PLCL1: variants seen among roughly 807,000 people sequenced by gnomAD.
PLCL1 encodes phospholipase C like 1 (inactive), also known as inactive phospholipase C-like protein 1.
A neutral mutation model predicts 84.4 loss-of-function variants in PLCL1; 41 were observed. The observed-to-expected ratio is 0.49, with a 90% CI of 0.38 to 0.63. PLCL1 has a LOEUF of 0.63. Ranked by LOEUF, PLCL1 falls within the 30% of genes least tolerant of loss-of-function variation. PLCL1 has a pLI of 0.00. For synonymous variants in PLCL1, 490 were observed against 488.3 expected, an observed-to-expected ratio of 1.00 and a Z score of -0.05; for missense variants, 1,206 against 1,367.8, an observed-to-expected ratio of 0.88 and a Z score of 1.87.
At chr2:198,094,041 C>CT (rs1425991372) in intron 3 of PLCL1, among the ~76,000 whole-genome samples, 1 of 151,966 alleles carries the variant, frequency 6.6e-6, no homozygotes, top group African/African-American at 2.4e-5. Context: ...AAAATTCAGT[C>CT]TTAAAAGTCA....
At chr2:197,935,018 T>C (rs546587224) in intron 1 of PLCL1, among the ~76,000 whole-genome samples, 1 of 152,208 alleles carries the variant, frequency 6.6e-6, no homozygotes, top group African/African-American at 2.4e-5. Flanking sequence ...CTCGGCCAAC[T>C]AGCATATGAA....
intron 1 of PLCL1, among the ~76,000 whole-genome samples, chr2:197,854,938 A>G (rs1427374338): frequency 6.6e-6 from 1 of 152,220 alleles, no homozygotes; most frequent in African/African-American, 2.4e-5. Context: ...AAATAAAGAC[A>G]GAATTTTTAC....
At chr2:198,029,224 C>G (rs1222732501) in intron 1 of PLCL1, among the ~76,000 whole-genome samples, 1 of 152,136 alleles carries the variant, frequency 6.6e-6, no homozygotes. Context: ...AACTTAATTA[C>G]TTTTGGCATG....
chr2:198,008,543 T>C (rs1039393319), intron 1 of PLCL1, among the ~76,000 whole-genome samples: 1 of 152,170 alleles, frequency 6.6e-6, no homozygotes, highest in Non-Finnish European at 1.5e-5. Flanking sequence ...TTTTCTTTTT[T>C]TTTTTTAAGG....
chr2:197,889,754 A>T (rs1020749676), intron 1 of PLCL1, among the ~76,000 whole-genome samples: 10 of 152,162 alleles, frequency 6.6e-5, no homozygotes, highest in African/African-American at 2.4e-4. Flanking sequence ...GTTTTAGGCT[A>T]AATGTTAAAA....
chr2:197,997,403 G>T (rs890711212), intron 1 of PLCL1, among the ~76,000 whole-genome samples: 1 of 152,202 alleles, frequency 6.6e-6, no homozygotes, highest in Non-Finnish European at 1.5e-5. Flanking sequence ...ATCTGCTGAG[G>T]TCGGCTTCTG....
At chr2:197,876,454 C>G (rs899953429) in intron 1 of PLCL1, among the ~76,000 whole-genome samples, 12 of 151,978 alleles carry the variant, frequency 7.9e-5, no homozygotes, top group African/African-American at 2.9e-4. Context: ...ATATTTTGAC[C>G]TCCCAATTTT....
chr2:197,850,136 T>C (rs1391220598), intron 1 of PLCL1, among the ~76,000 whole-genome samples: 1 of 151,714 alleles, frequency 6.6e-6, no homozygotes, highest in East Asian at 1.9e-4. Flanking sequence ...CTTGGGCAGG[T>C]GATTTAACCT....
At chr2:197,849,449 G>A (rs1687184547) in intron 1 of PLCL1, among the ~76,000 whole-genome samples, 1 of 151,962 alleles carries the variant, frequency 6.6e-6, no homozygotes, top group Admixed American at 6.6e-5. Flanking sequence ...GTGTGTTTGT[G>A]GGAAGTCTTA....
Position 198,062,765 on chromosome 2 carries a change from C to G in PLCL1, c.241-20993C>G, listed in dbSNP as rs1187924110. ...AAAAAAAATAAATTCCTGGCCTCCC[C>G]CCTTTAACCTACTGAATCAGATGTG... On this transcript the variant is annotated intron_variant, in intron 1 of 5. Transcript: ENST00000428675. 2.6e-5 allele frequency among the ~76,000 whole-genome samples: 4 copies of G among 152,128 alleles called. No individual in the cohort carries two copies. In the East Asian group the frequency reaches 5.8e-4, roughly 22 times the overall value.
intron 1 of PLCL1, among the ~76,000 whole-genome samples, chr2:197,998,947 C>T (rs932476713): frequency 6.6e-6 from 1 of 152,174 alleles, no homozygotes; most frequent in African/African-American, 2.4e-5. Flanking sequence ...CACCCTAAGC[C>T]TTGAGTGGCC....
chr2:197,961,768 G>A (rs1398600461), intron 1 of PLCL1, among the ~76,000 whole-genome samples: 2 of 151,934 alleles, frequency 1.3e-5, no homozygotes, highest in Non-Finnish European at 2.9e-5. Flanking sequence ...AGACCTTAGG[G>A]GTTGTTTTGA....
intron 1 of PLCL1, among the ~76,000 whole-genome samples, chr2:197,907,756 TCTGGCCTTCTTGC>T (rs1422042009): frequency 6.6e-6 from 1 of 152,250 alleles, no homozygotes; most frequent in Non-Finnish European, 1.5e-5. Context: ...TACCTTCTTG[TCTGGCCTTCTTGC>T]CTCTTTTTCA....
chr2:197,808,266 T>A (rs948606647), intron 1 of PLCL1, among the ~76,000 whole-genome samples: 3 of 152,234 alleles, frequency 2.0e-5, no homozygotes, highest in African/African-American at 7.2e-5. Flanking sequence ...GAATCCATTT[T>A]AATTTCTTCT....
At position 197,980,245 on chromosome 2, in the gene PLCL1, G is replaced by A. The variant is rs569235851; in HGVS notation, c.241-103513G>A. 3.3e-5 allele frequency among the ~76,000 whole-genome samples: 5 copies of A among 152,278 alleles called. No individual in the cohort carries two copies. The South Asian group carries it at 1.0e-3, about 32-fold the overall frequency. ...GGAAGTGGGACCAGTTTAACTTTGAGGTGACTTTAGGACATCTGAGTGATA... is the reference window on the plus strand; with the variant it reads ...GGAAGTGGGACCAGTTTAACTTTGAAGTGACTTTAGGACATCTGAGTGATA... On this transcript the variant is annotated intron_variant, in intron 1 of 5. Transcript: ENST00000428675.
In PLCL1 at chr2:197,804,942, T is replaced by TGCCGCCGCCGCCGCCGCCGCC; in HGVS notation, c.-154_-134dup. ...GAGCGATGTCCCCTCTCCAGAAAGT[T>TGCCGCCGCCGCCGCCGCCGCC]GCCGCCGCCGCCGCCGCCGCCGCCA... On this transcript the variant is annotated 5_prime_UTR_variant, in exon 1 of 6. Coordinates refer to ENST00000428675, the MANE Select transcript of PLCL1 (RefSeq NM_006226.4). 4.1e-6 allele frequency: 3 copies of TGCCGCCGCCGCCGCCGCCGCC among 733,012 alleles called. No homozygotes were observed. The highest frequency in any genetic ancestry group is 2.0e-6 in the Non-Finnish European group (1 of 488,956). 45.4% of individuals were successfully genotyped at this position (733,012 alleles called of 1,614,324 possible).
intron 1 of PLCL1, among the ~76,000 whole-genome samples, chr2:198,061,508 A>C (rs1020745458): frequency 1.1e-4 from 17 of 152,132 alleles, no homozygotes; most frequent in African/African-American, 4.1e-4. Flanking sequence ...GGGGAACTAG[A>C]GAAGCTGGCT....
intron 5 of PLCL1, among the ~76,000 whole-genome samples, chr2:198,127,012 G>GTGT (rs144423192): frequency 0.017 from 1,623 of 92,834 alleles, 12 homozygotes; most frequent in East Asian, 0.062. Flanking sequence ...GTGTGTGTGT[G>GTGT]GGGGGTGGTG....
intron 1 of PLCL1, among the ~76,000 whole-genome samples, chr2:198,033,123 A>G (rs1168869067): frequency 1.3e-5 from 2 of 152,222 alleles, no homozygotes; most frequent in African/African-American, 4.8e-5. Flanking sequence ...AATGGGAACA[A>G]AAGAATAATT....
Sources: allele counts gnomAD v4.1 joint callset (sites outside exome capture counted in the v4.1 genomes callset), GRCh38; gene constraint gnomAD v4.1.1; transcripts MANE v1.5; gene names NCBI Gene and HGNC (gene_info 2026-07-23, HGNC 2026-07-21).